Variants in UCP3 observed in about 807,000 individuals in gnomAD.
The protein encoded by UCP3 is uncoupling protein 3, also known as putative mitochondrial transporter UCP3.
A neutral mutation model predicts 28.1 loss-of-function variants in UCP3; 24 were observed. The ratio of observed to expected loss-of-function variants is 0.85; its 90% CI spans 0.62 to 1.20. The LOEUF is 1.20. Ranked by LOEUF, UCP3 falls within the 50% of genes most tolerant of loss-of-function variation. The pLI, the probability that UCP3 is intolerant of heterozygous loss-of-function variation, is 0.00. For synonymous variants in UCP3, 184 were observed against 171.2 expected (o/e 1.07, Z -0.59); for missense variants, 397 against 422.2 (o/e 0.94, Z 0.52).
In UCP3 at chr11:74,005,859, C is replaced by A; in HGVS notation, c.412G>T (p.Asp138Tyr). Residue 138 changes from aspartate to tyrosine, a missense_variant, in exon 4 of 7, where the codon GAT (aspartate) becomes TAT (tyrosine). By Grantham distance (160) the Asp-to-Tyr change is radical. Coordinates refer to ENST00000314032, the MANE Select transcript of UCP3 (RefSeq NM_003356.4). ...GCCTGAAATCGGACCTTCACCACATCTGTGGGCTGGGCACAGGTCACCGCC... is the reference window on the plus strand; with the variant it reads ...GCCTGAAATCGGACCTTCACCACATATGTGGGCTGGGCACAGGTCACCGCC... ...AMAVTCAQPT[D>Y]VVKVRFQASI... is the part of the protein sequence containing the mutation. The A allele has an allele frequency of 1.2e-6, 2 of 1,614,248 alleles. No individual in the cohort carries two copies. The highest frequency in any genetic ancestry group is 1.3e-5 in the African/African-American group (1 of 75,062).
intron 1 of UCP3, among the ~76,000 whole-genome samples, chr11:74,008,739 C>CT (rs1951684445): frequency 5.3e-5 from 8 of 152,188 alleles, no homozygotes; most frequent in Admixed American, 5.2e-4. Flanking sequence ...GGGTGTGAGT[C>CT]TTGAGTGAGT....
chr11:74,003,155 C>T (rs1951633329), intron 6 of UCP3, among the ~76,000 whole-genome samples: 1 of 152,240 alleles, frequency 6.6e-6, no homozygotes, highest in Non-Finnish European at 1.5e-5. Flanking sequence ...TAATCATAAA[C>T]AACCTGCATT....
At position 74,001,532 on chromosome 11, in the gene UCP3, AAG is replaced by A. The variant is rs1454611867; in HGVS notation, c.825-8_825-7del. ...GCAAAAAGGAGGGTGTAAATCTGAT[AAG>A]AAAAACAACCAACACATCAGGTGGA... On this transcript the variant is annotated splice_polypyrimidine_tract_variant and splice_region_variant and intron_variant, in intron 6 of 6. Transcript: ENST00000314032. The A allele has an allele frequency of 6.2e-7, 1 of 1,614,066 alleles. No individual in the cohort carries two copies. Among genetic ancestry groups the A allele is most frequent in the East Asian group, 2.2e-5 (1 of 44,874 alleles).
chr11:74,003,782 C>A (rs1454093531), intron 6 of UCP3, 45 bp downstream of exon 6: 1 of 1,533,688 alleles, frequency 6.5e-7, no homozygotes, highest in East Asian at 2.3e-5. Context: ...AAGAAAGAAG[C>A]CCCTGTTCTC....
rs45608332 is a variant in UCP3, at chr11:74,003,833, T to C, written c.818A>G (p.Tyr273Cys). 6.2e-7 allele frequency: 1 copy of C among 1,601,604 alleles called. No individual in the cohort carries two copies. Among genetic ancestry groups the C allele is most frequent in the Non-Finnish European group, 8.5e-7 (1 of 1,173,218 alleles). ...GAGGCAGGAGGAGGCTCACCCCTTG[T>C]AGAAGGCTGTGGGGCCCTCCTGGGC... ...MVAQEGPTAF[Y>C]KGFTPSFLRL... is the part of the protein sequence containing the mutation. Residue 273 changes from tyrosine (Y) to cysteine (C), a missense_variant, in exon 6 of 7, where the codon TAC becomes TGC. Coordinates refer to ENST00000314032, the MANE Select transcript of UCP3 (RefSeq NM_003356.4).
intron 6 of UCP3, chr11:74,003,601 A>C (rs1951636161): frequency 7.7e-7 from 1 of 1,297,082 alleles, no homozygotes; most frequent in African/African-American, 1.5e-5. Flanking sequence ...CAGTACTTTT[A>C]CCTATTCCTG....
At chr11:74,006,766 G>A in intron 2 of UCP3, 151 bp downstream of exon 2, 3 of 1,284,282 alleles carry the variant, frequency 2.3e-6, no homozygotes, top group Admixed American at 1.9e-5. Context: ...GGATGGTGAT[G>A]GGAGGAGGCA....
rs530999429 is a variant in UCP3 at position 74,001,596 on chromosome 11, G to A, written c.825-70C>T. Reference sequence around the variant, plus strand: ...CCACAACAGATGCGTGTGCTCTCCCGGGACACAGTGGTAGTGCCAGAGGAT... The same window carrying A: ...CCACAACAGATGCGTGTGCTCTCCCAGGACACAGTGGTAGTGCCAGAGGAT... On this transcript the variant is annotated intron_variant, in intron 6 of 6. Transcript: ENST00000314032. 1.1e-4 allele frequency: 144 copies of A among 1,344,826 alleles called. No homozygotes were observed. In the African/African-American group the frequency reaches 1.7e-3, roughly 16 times the overall value. 83.3% of individuals were successfully genotyped at this position (1,344,826 alleles called of 1,614,324 possible).
Position 74,005,812 on chromosome 11 carries a change from G to A in UCP3, c.459C>T (p.Ser153=), listed in dbSNP as rs376706073. The change falls in exon 4 of 7, where the codon TCC becomes TCT. Residue 153 remains serine, a synonymous_variant. Transcript: ENST00000314032. ...TCCCGCTGTATTTTCTGTCGCTCCTGGATGGCCCGAGGTGTATGCTGGCCT... is the reference window on the plus strand; with the variant it reads ...TCCCGCTGTATTTTCTGTCGCTCCTAGATGGCCCGAGGTGTATGCTGGCCT... ...RFQASIHLGP[S]RSDRKYSGTM... 1.2e-6 allele frequency: 2 copies of A among 1,614,176 alleles called. No homozygotes were observed. The highest frequency in any genetic ancestry group is 1.3e-5 in the African/African-American group (1 of 75,036).
At chr11:74,001,631 T>C (rs1951622444) in intron 6 of UCP3, 105 bp from the exon 7 acceptor site, 1 of 960,412 alleles carries the variant, frequency 1.0e-6, no homozygotes, top group Admixed American at 2.0e-5. Context: ...TCCAGACTTC[T>C]GTTCATCACA....
At chr11:74,007,284 T>C in intron 1 of UCP3, 147 bp from the exon 2 acceptor site, 1 of 542,718 alleles carries the variant, frequency 1.8e-6, no homozygotes, top group East Asian at 3.3e-5. Context: ...TAAAAACAGG[T>C]CACGTTCCTA....
At chr11:74,004,687 T>C (rs980065360) in intron 4 of UCP3, 102 bp from the exon 5 acceptor site, 2 of 1,133,010 alleles carry the variant, frequency 1.8e-6, no homozygotes, top group African/African-American at 3.1e-5. Flanking sequence ...GGCCCCAGTT[T>C]TGGGGCCATA....
chr11:74,007,032 A>C lies in UCP3; in HGVS notation c.11T>G (p.Leu4Arg), dbSNP rs141482270. Reference sequence around the variant, plus strand: ...GGTGGGAGGCACGTCTGAAGGCTTCAGTCCAACCATAGTCCTGGAAGGCTC... The same window carrying C: ...GGTGGGAGGCACGTCTGAAGGCTTCCGTCCAACCATAGTCCTGGAAGGCTC... MVGLKPSDVPPTMA... is the reference protein window; with the variant it reads MVGRKPSDVPPTMA... The change falls in exon 2 of 7, where the codon CTG (leucine) becomes CGG (arginine). Residue 4 changes from leucine (L) to arginine (R), a missense_variant. Physicochemically the swap from Leu to Arg is moderately radical, Grantham distance 102. Coordinates refer to ENST00000314032, the MANE Select transcript of UCP3 (RefSeq NM_003356.4). 1 of 1,614,030 alleles carries C rather than the reference A, an allele frequency of 6.2e-7. No individual in the cohort carries two copies. Among genetic ancestry groups the C allele is most frequent in the Non-Finnish European group, 8.5e-7 (1 of 1,180,014 alleles).
At chr11:74,003,598 T>C (rs997905243) in intron 6 of UCP3, 1 of 1,291,130 alleles carries the variant, frequency 7.7e-7, no homozygotes, top group East Asian at 3.2e-5. Context: ...AGGCAGTACT[T>C]TTACCTATTC....
intron 1 of UCP3, among the ~76,000 whole-genome samples, chr11:74,007,824 G>C (rs1951678504): frequency 6.6e-6 from 1 of 152,112 alleles, no homozygotes; most frequent in Non-Finnish European, 1.5e-5. Flanking sequence ...CAGGTAGGAG[G>C]TGCCTTGAGG....
chr11:74,002,578 G>A (rs562833340), intron 6 of UCP3, among the ~76,000 whole-genome samples: 207 of 152,238 alleles, frequency 1.4e-3, no homozygotes, highest in African/African-American at 4.6e-3. Context: ...ACTCAGCACA[G>A]GGCCCAGCAT....
chr11:74,008,574 C>T (rs563188018), intron 1 of UCP3, among the ~76,000 whole-genome samples: 2 of 152,260 alleles, frequency 1.3e-5, no homozygotes, highest in Non-Finnish European at 2.9e-5. Flanking sequence ...CCCCTGTCAT[C>T]CCTACTCAGG....
At chr11:74,007,386 A>C in intron 1 of UCP3, 2 of 258,098 alleles carry the variant, frequency 7.7e-6, no homozygotes, top group Non-Finnish European at 1.5e-5. Flanking sequence ...CACTGTATAC[A>C]TGAGGAAACC....
intron 6 of UCP3, chr11:74,001,905 C>T (rs759370870): frequency 7.1e-5 from 20 of 281,884 alleles, no homozygotes; most frequent in East Asian, 3.9e-4. Context: ...CTCCACCCTG[C>T]TGCTGGGTGT....
Sources: gnomAD v4.1 joint callset for allele counts (sites outside exome capture counted in the v4.1 genomes callset) on GRCh38, gnomAD v4.1.1 for gene constraint, MANE v1.5 for transcripts, NCBI Gene and HGNC (gene_info 2026-07-23, HGNC 2026-07-21) for gene names.